Variants in YIF1B observed in about 807,000 individuals in gnomAD.
YIF1B encodes Yip1 interacting factor homolog B, membrane trafficking protein, also known as protein YIF1B.
In YIF1B, 24 loss-of-function variants were observed where a neutral mutation model predicts 34.6. That is an observed-to-expected ratio of 0.69 (90% CI 0.50 to 0.98). YIF1B has a LOEUF of 0.98. Among genes scored for constraint, YIF1B ranks in the 50% least tolerant of loss-of-function variants. YIF1B has a pLI of 0.00. For missense variants in YIF1B, 368 were observed against 429.4 expected (o/e 0.86, Z 1.26); for synonymous variants, 186 against 184.8 (o/e 1.01, Z -0.05).
upstream of YIF1B, chr19:38,320,231 C>T (rs1428803857): frequency 1.9e-6 from 3 of 1,605,562 alleles, no homozygotes; most frequent in East Asian, 4.5e-5. Context: ...TGGGACTTCG[C>T]CTCTGCTCTC....
In YIF1B at chr19:38,305,268, T is replaced by G. The variant is rs1968954210; in HGVS notation, c.*84A>C. 2.6e-6 allele frequency: 4 copies of G among 1,526,274 alleles called. No homozygotes were observed. Among genetic ancestry groups the G allele is most frequent in the Non-Finnish European group, 3.5e-6 (4 of 1,135,608 alleles). 94.5% of individuals were successfully genotyped at this position (1,526,274 alleles called of 1,614,324 possible). ...GCCTGTGGCCAGACAGGGTGGACCT[T>G]GGGGCCTGCAGGCAGGAGATGAGTT... On this transcript the variant is annotated 3_prime_UTR_variant, in exon 8 of 8. Coordinates refer to ENST00000339413, the MANE Select transcript of YIF1B (RefSeq NM_001039672.3).
chr19:38,314,752 T>C (rs1969475760), intron 1 of YIF1B, among the ~76,000 whole-genome samples: 1 of 151,362 alleles, frequency 6.6e-6, no homozygotes, highest in South Asian at 2.1e-4. Context: ...TAGCCGGGAT[T>C]ACAGGTGCTC....
intron 7 of YIF1B, chr19:38,306,739 G>A (rs898405488): frequency 4.3e-5 from 12 of 277,372 alleles, no homozygotes; most frequent in Non-Finnish European, 7.1e-5. Context: ...TGGAGCGCAG[G>A]TGTGCGATCT....
At chr19:38,320,977 C>G (rs188611552), upstream of YIF1B, among the ~76,000 whole-genome samples, 28 of 152,290 alleles carry the variant, frequency 1.8e-4, 1 homozygote, top group East Asian at 4.8e-3. Flanking sequence ...CAAGGGAGAT[C>G]CTTGCCCCCT....
intron 1 of YIF1B, among the ~76,000 whole-genome samples, chr19:38,313,209 C>A (rs1249107935): frequency 6.7e-6 from 1 of 148,826 alleles, no homozygotes; most frequent in Non-Finnish European, 1.5e-5. Flanking sequence ...GCCTTGGCCT[C>A]CCAAAGTGCT....
At chr19:38,314,616 CTTTTTTT>C (rs911022609) in intron 1 of YIF1B, among the ~76,000 whole-genome samples, 4 of 82,326 alleles carry the variant, frequency 4.9e-5, no homozygotes, top group Admixed American at 3.1e-4. Flanking sequence ...GGATCACCCT[CTTTTTTT>C]TTTTTTTTTT....
At chr19:38,319,241 C>A (rs1184084031), upstream of YIF1B, among the ~76,000 whole-genome samples, 1 of 152,206 alleles carries the variant, frequency 6.6e-6, no homozygotes, top group Admixed American at 6.5e-5. Context: ...GGACAACAGG[C>A]GTGGGTCACT....
At position 38,305,046 on chromosome 19, in the gene YIF1B, A is replaced by AGCTCCCT. The variant is rs1485784643; in HGVS notation, c.*299_*305dup. On this transcript the variant is annotated 3_prime_UTR_variant, in exon 8 of 8. Coordinates refer to ENST00000339413, the MANE Select transcript of YIF1B (RefSeq NM_001039672.3). ...GTGGTGCCTACTCTGGCCCGTCCCC[A>AGCTCCCT]GCTCCCTGCCCCCTGCCCAGCGCTG... is the stretch of plus-strand genomic sequence containing the variant. 1.3e-6 allele frequency: 2 copies of AGCTCCCT among 1,540,220 alleles called. No individual in the cohort carries two copies. The highest frequency in any genetic ancestry group is 1.8e-6 in the Non-Finnish European group (2 of 1,140,992).
At chr19:38,308,757 C>G (rs893670633) in intron 5 of YIF1B, 35 bp downstream of exon 5, 11 of 1,613,576 alleles carry the variant, frequency 6.8e-6, no homozygotes, top group Non-Finnish European at 7.6e-6. Context: ...CCTCCCAAAC[C>G]CCACCTTATT....
intron 7 of YIF1B, chr19:38,306,871 T>G (rs752085488): frequency 4.8e-6 from 2 of 415,166 alleles, no homozygotes; most frequent in Non-Finnish European, 9.9e-6. Flanking sequence ...TTAGTAGAGA[T>G]GGGGTTTCAC....
chr19:38,304,401 G>A lies in YIF1B; in HGVS notation c.*951C>T, dbSNP rs371716289. On this transcript the variant is annotated 3_prime_UTR_variant, in exon 8 of 8. Coordinates refer to ENST00000339413, the MANE Select transcript of YIF1B (RefSeq NM_001039672.3). ...CCTGGAGCCCACCTCCCAGAAGCCC[G>A]GTGTGGGGGCGGGCCACGGGGGAGA... 12 of 1,573,266 alleles carry A rather than the reference G, an allele frequency of 7.6e-6. No individual in the cohort carries two copies. Among genetic ancestry groups the A allele is most frequent in the African/African-American group, 2.7e-5 (2 of 74,278 alleles).
At chr19:38,316,245 C>G (rs1969548247), upstream of YIF1B, among the ~76,000 whole-genome samples, 1 of 152,176 alleles carries the variant, frequency 6.6e-6, no homozygotes, top group Non-Finnish European at 1.5e-5. Context: ...GGGGCTCACG[C>G]CCCTAACTCC....
chr19:38,310,553 A>G (rs896321753), intron 1 of YIF1B, among the ~76,000 whole-genome samples: 1 of 152,110 alleles, frequency 6.6e-6, no homozygotes, highest in Non-Finnish European at 1.5e-5. Context: ...CCATCCAGAT[A>G]TCAATGATGA....
intron 1 of YIF1B, 84 bp downstream of exon 1, chr19:38,315,776 C>T (rs1313950723): frequency 1.3e-6 from 2 of 1,594,548 alleles, no homozygotes; most frequent in Admixed American, 1.7e-5. Context: ...GATCTCGTGA[C>T]CTCTGACCTG....
In YIF1B at chr19:38,304,209, C is replaced by A; in HGVS notation, c.*1143G>T. 1 of 1,609,558 alleles carries A rather than the reference C, an allele frequency of 6.2e-7. No individual in the cohort carries two copies. On this transcript the variant is annotated 3_prime_UTR_variant, in exon 8 of 8. Coordinates refer to ENST00000339413, the MANE Select transcript of YIF1B (RefSeq NM_001039672.3). ...TCAGCGCTCCTCCCCCTGCTCCGCT[C>A]CTCTGCAGGGCCCAGGCGCCCTTGG...
At position 38,304,806 on chromosome 19, in the gene YIF1B, A is replaced by G; in HGVS notation, c.*546T>C. On this transcript the variant is annotated 3_prime_UTR_variant, in exon 8 of 8. Transcript: ENST00000339413. ...CCCCCTGTCTCGCTTCCAGCCCAGAACCATCTCTTCTCTCCCATCCCTGCC... is the reference window on the plus strand; with the variant it reads ...CCCCCTGTCTCGCTTCCAGCCCAGAGCCATCTCTTCTCTCCCATCCCTGCC... 6.2e-7 allele frequency: 1 copy of G among 1,613,440 alleles called. No individual in the cohort carries two copies. Among genetic ancestry groups the G allele is most frequent in the Non-Finnish European group, 8.5e-7 (1 of 1,179,894 alleles).
At chr19:38,305,795 G>A (rs1968993435) in intron 7 of YIF1B, among the ~76,000 whole-genome samples, 1 of 152,204 alleles carries the variant, frequency 6.6e-6, no homozygotes, top group Non-Finnish European at 1.5e-5. Context: ...ACTTCCCGGT[G>A]GACACCCGGC....
chr19:38,317,825 C>T (rs1027368335), upstream of YIF1B, among the ~76,000 whole-genome samples: 1 of 151,680 alleles, frequency 6.6e-6, no homozygotes, highest in Non-Finnish European at 1.5e-5. Flanking sequence ...GGTGATCCAC[C>T]TGCCTTGGCC....
Position 38,309,627 on chromosome 19 carries a change from G to T in YIF1B, c.75C>A (p.Ile25=), listed in dbSNP as rs1345823410. ...RLRKWPSKRR[I]PVSQPGMADP... is the part of the protein sequence containing the mutation. The stretch of plus-strand genomic sequence containing the variant: ...CGGCCATGCCCGGCTGGGACACAGG[G>T]ATCCTCCGCTTCGAGGCTGCAAGGG... Residue 25 remains isoleucine, a synonymous_variant, in exon 2 of 8, where the codon ATC becomes ATA. Transcript: ENST00000339413. The T allele has an allele frequency of 6.2e-7, 1 of 1,600,318 alleles. No homozygotes were observed. Among genetic ancestry groups the T allele is most frequent in the African/African-American group, 1.3e-5 (1 of 74,808 alleles).
Sources: gnomAD v4.1 joint callset for allele counts (sites outside exome capture counted in the v4.1 genomes callset) on GRCh38, gnomAD v4.1.1 for gene constraint, MANE v1.5 for transcripts, NCBI Gene and HGNC (gene_info 2026-07-23, HGNC 2026-07-21) for gene names.